Variants in ACAD10 observed in about 807,000 individuals in gnomAD.
ACAD10 encodes ACAD-10.
In ACAD10, 112 loss-of-function variants were observed where a neutral mutation model predicts 116.8. The observed-to-expected ratio is 0.96, with a 90% CI of 0.82 to 1.12. The LOEUF (loss-of-function observed/expected upper bound fraction) is 1.12. Among genes scored for constraint, ACAD10 ranks in the 50% most tolerant of loss-of-function variants. ACAD10 has a pLI of 0.00. For synonymous variants in ACAD10, 486 were observed against 510.6 expected, an observed-to-expected ratio of 0.95 and a Z score of 0.65; for missense variants, 1,259 against 1,350.2, an observed-to-expected ratio of 0.93 and a Z score of 1.06.
At chr12:111,734,250 G>A (rs1044396236) in intron 11 of ACAD10, among the ~76,000 whole-genome samples, 182 bp downstream of exon 11, 35 of 152,188 alleles carry the variant, frequency 2.3e-4, no homozygotes, top group African/African-American at 8.4e-4. Context: ...GATATAGGAT[G>A]TGTTTTAAGT....
Position 111,746,182 on chromosome 12 carries a change from AC to A in ACAD10, c.2157del (p.Leu720Ter). On this transcript the variant is annotated frameshift_variant, in exon 14 of 21. Coordinates refer to ENST00000313698, the MANE Select transcript of ACAD10 (RefSeq NM_025247.6). LOFTEE classifies it high-confidence loss of function. Reference sequence around the variant, plus strand: ...CTGAAGGACTTTGGAACCTTTTCCTACCCTTAGAGGCTGATCCCGAGAAAAA... The same window carrying A: ...CTGAAGGACTTTGGAACCTTTTCCTACCTTAGAGGCTGATCCCGAGAAAAA... ...KAEGLWNLFL[P>X]LEADPEKKYG... The A allele has an allele frequency of 6.2e-7, 1 of 1,613,862 alleles. No individual in the cohort carries two copies. Among genetic ancestry groups the A allele is most frequent in the Admixed American group, 1.7e-5 (1 of 59,944 alleles).
chr12:111,746,966 C>G (rs1299793123), intron 14 of ACAD10, 83 bp from the exon 15 acceptor site: 1 of 1,503,580 alleles, frequency 6.7e-7, no homozygotes, highest in Admixed American at 2.2e-5. Context: ...TGCCACGATA[C>G]TCCAGCCTGG....
intron 5 of ACAD10, chr12:111,709,982 C>A: frequency 2.7e-6 from 1 of 367,318 alleles, no homozygotes. Flanking sequence ...TCCAGTGATG[C>A]TGCCTTAAGT....
At chr12:111,745,317 C>A (rs1035177637) in intron 13 of ACAD10, 5 of 497,074 alleles carry the variant, frequency 1.0e-5, no homozygotes, top group Non-Finnish European at 1.8e-5. Flanking sequence ...GCAGGTTAGG[C>A]CTATCTGATG....
At chr12:111,727,885 A>G (rs556921198) in intron 8 of ACAD10, 77 bp from the exon 9 acceptor site, 41 of 1,429,022 alleles carry the variant, frequency 2.9e-5, no homozygotes, top group Non-Finnish European at 3.9e-5. Context: ...AGGGAAAGTG[A>G]CAAAGAATAG....
At chr12:111,690,013 C>A (rs1887989845) in intron 1 of ACAD10, among the ~76,000 whole-genome samples, 1 of 152,206 alleles carries the variant, frequency 6.6e-6, no homozygotes, top group African/African-American at 2.4e-5. Context: ...CTGCACCCGG[C>A]CTTACTTCGA....
At chr12:111,692,475 A>C (rs1017794816) in intron 1 of ACAD10, among the ~76,000 whole-genome samples, 2 of 152,210 alleles carry the variant, frequency 1.3e-5, no homozygotes, top group Non-Finnish European at 2.9e-5. Context: ...AGAAAGTCAG[A>C]GGCGAGTCCC....
chr12:111,755,570 T>C, intron 19 of ACAD10, 98 bp from the exon 20 acceptor site: 1 of 825,012 alleles, frequency 1.2e-6, no homozygotes, highest in Non-Finnish European at 2.0e-6. Flanking sequence ...ACCCTGCTAG[T>C]TTTTGTATTT....
intron 8 of ACAD10, among the ~76,000 whole-genome samples, chr12:111,723,669 C>T (rs112310564): frequency 2.8e-4 from 37 of 131,060 alleles, no homozygotes; most frequent in East Asian, 3.6e-4. Context: ...CCCTCCCGGA[C>T]GGGGCGGGGG....
At chr12:111,738,446 C>CAA (rs752828322) in intron 12 of ACAD10, among the ~76,000 whole-genome samples, 18 of 49,424 alleles carry the variant, frequency 3.6e-4, no homozygotes, top group African/African-American at 6.5e-4. Context: ...GACTCTGTCT[C>CAA]AAAAAAAAAA....
At chr12:111,705,977 C>T (rs773066587) in intron 4 of ACAD10, 45 bp downstream of exon 4, 4 of 1,584,710 alleles carry the variant, frequency 2.5e-6, no homozygotes, top group South Asian at 2.3e-5. Context: ...AATCTGTGCC[C>T]TCGCTTCAGG....
intron 7 of ACAD10, among the ~76,000 whole-genome samples, chr12:111,717,346 C>CAAA (rs779938001): frequency 2.6e-5 from 2 of 76,832 alleles, no homozygotes; most frequent in African/African-American, 4.6e-5. Context: ...GACCCTGTCT[C>CAAA]AAAAAAAAAA....
chr12:111,690,722 T>TA (rs1888013843), intron 1 of ACAD10, among the ~76,000 whole-genome samples: 1 of 144,692 alleles, frequency 6.9e-6, no homozygotes, highest in South Asian at 2.1e-4. Context: ...GAGGCAGAGG[T>TA]AGCAGTGAGC....
chr12:111,711,482 T>C (rs1363579713), intron 5 of ACAD10, among the ~76,000 whole-genome samples: 1 of 152,096 alleles, frequency 6.6e-6, no homozygotes, highest in African/African-American at 2.4e-5. Context: ...GTACTGGGAT[T>C]ACAGGCGTGA....
At chr12:111,746,121 C>T in intron 13 of ACAD10, 23 bp from the exon 14 acceptor site, 1 of 1,602,450 alleles carries the variant, frequency 6.2e-7, no homozygotes, top group Non-Finnish European at 8.5e-7. Context: ...CTGTGGTTTC[C>T]TGACTTATTT....
intron 12 of ACAD10, among the ~76,000 whole-genome samples, chr12:111,743,711 G>A (rs1182895438): frequency 1.3e-5 from 2 of 152,002 alleles, no homozygotes; most frequent in African/African-American, 4.8e-5. Context: ...TCTACATTAA[G>A]GAGGTGTATG....
intron 1 of ACAD10, among the ~76,000 whole-genome samples, chr12:111,687,576 G>A (rs898957856): frequency 1.3e-5 from 2 of 152,194 alleles, no homozygotes; most frequent in African/African-American, 4.8e-5. Context: ...CATACTGTAT[G>A]CATAAAACCT....
At chr12:111,722,342 G>A (rs1348046690) in intron 8 of ACAD10, among the ~76,000 whole-genome samples, 1 of 152,194 alleles carries the variant, frequency 6.6e-6, no homozygotes, top group African/African-American at 2.4e-5. Flanking sequence ...GGGATTACAA[G>A]TGTAAGCCAC....
At chr12:111,715,608 C>T (rs1473447047) in intron 6 of ACAD10, 1 of 564,682 alleles carries the variant, frequency 1.8e-6, no homozygotes, top group Non-Finnish European at 3.1e-6. Flanking sequence ...CTTTGACAAA[C>T]TGTAGTGGCA....
Sources: allele counts gnomAD v4.1 joint callset (sites outside exome capture counted in the v4.1 genomes callset), GRCh38; gene constraint gnomAD v4.1.1; transcripts MANE v1.5; gene names NCBI Gene and HGNC (gene_info 2026-07-23, HGNC 2026-07-21).